The following WDR49 variants were observed in gnomAD, a reference collection of about 807,000 sequenced individuals.
WDR49 encodes WD repeat domain 49, also known as cilia- and flagella-associated protein 337.
A neutral mutation model predicts 119.5 loss-of-function variants in WDR49; 107 were observed. The observed-to-expected ratio is 0.90, with a 90% CI of 0.77 to 1.05. The LOEUF (loss-of-function observed/expected upper bound fraction) is 1.05, where lower values mean the gene tolerates loss of function less well. Among genes scored for constraint, WDR49 ranks in the 50% least tolerant of loss-of-function variants. The probability of loss-of-function intolerance (pLI) is 0.00; values close to 1 mark genes in which losing one functional copy is unlikely to be tolerated. For synonymous variants in WDR49, 425 were observed against 418.8 expected (o/e 1.01, Z -0.18); for missense variants, 1,240 against 1,220.5 (o/e 1.02, Z -0.24).
intron 8 of WDR49, among the ~76,000 whole-genome samples, chr3:167,565,221 T>C (rs1560288459): frequency 1.3e-5 from 2 of 152,082 alleles, no homozygotes; most frequent in African/African-American, 4.8e-5. Context: ...TAATTGGTAA[T>C]TTGCTCTTTC....
chr3:167,551,878 G>T (rs1712594856), intron 10 of WDR49, among the ~76,000 whole-genome samples: 1 of 151,762 alleles, frequency 6.6e-6, no homozygotes, highest in Non-Finnish European at 1.5e-5. Context: ...CCCTATTAAA[G>T]AAAATGTAAG....
At chr3:167,482,803 C>A (rs1387855473) in intron 18 of WDR49, among the ~76,000 whole-genome samples, 1 of 151,478 alleles carries the variant, frequency 6.6e-6, no homozygotes, top group Non-Finnish European at 1.5e-5. Flanking sequence ...TTAAGGCTGA[C>A]AAAAATAGAA....
intron 2 of WDR49, among the ~76,000 whole-genome samples, chr3:167,638,998 G>T (rs1717750417): frequency 1.3e-5 from 2 of 151,574 alleles, no homozygotes; most frequent in African/African-American, 2.4e-5. Context: ...TCACCCCTGA[G>T]AAATATAATT....
intron 16 of WDR49, among the ~76,000 whole-genome samples, chr3:167,512,516 A>G (rs1752018726): frequency 6.6e-6 from 1 of 152,224 alleles, no homozygotes. Flanking sequence ...AAATCCACAC[A>G]AAAACACTGA....
At chr3:167,550,174 C>T (rs1355997148) in intron 10 of WDR49, among the ~76,000 whole-genome samples, 1 of 152,040 alleles carries the variant, frequency 6.6e-6, no homozygotes, top group Non-Finnish European at 1.5e-5. Flanking sequence ...CTTGGCAATG[C>T]AGGCTCTTTT....
intron 5 of WDR49, among the ~76,000 whole-genome samples, chr3:167,615,498 T>C (rs1350121539): frequency 8.5e-5 from 13 of 152,050 alleles, no homozygotes. Flanking sequence ...AACCATAATT[T>C]CTTTTGATAT....
chr3:167,509,370 G>A (rs375501415), intron 16 of WDR49, among the ~76,000 whole-genome samples: 1 of 152,214 alleles, frequency 6.6e-6, no homozygotes, highest in East Asian at 1.9e-4. Context: ...CAAAAAGGCT[G>A]GGATGTGTTT....
chr3:167,496,799 T>C (rs570870582), intron 18 of WDR49, among the ~76,000 whole-genome samples: 2 of 152,294 alleles, frequency 1.3e-5, no homozygotes, highest in South Asian at 2.1e-4. Context: ...AAAGACTCTA[T>C]GATATCACAG....
At chr3:167,589,849 A>G (rs1715015379) in intron 7 of WDR49, among the ~76,000 whole-genome samples, 1 of 152,052 alleles carries the variant, frequency 6.6e-6, no homozygotes, top group African/African-American at 2.4e-5. Context: ...ACAAGATGTT[A>G]TTATCTGCAA....
At chr3:167,597,146 G>T (rs1268693399) in intron 7 of WDR49, among the ~76,000 whole-genome samples, 2 of 152,186 alleles carry the variant, frequency 1.3e-5, no homozygotes, top group Non-Finnish European at 2.9e-5. Context: ...CCTGGCCCAG[G>T]GTCCTGCTGC....
chr3:167,486,316 C>A (rs1750915188), intron 18 of WDR49, among the ~76,000 whole-genome samples: 1 of 152,002 alleles, frequency 6.6e-6, no homozygotes, highest in African/African-American at 2.4e-5. Context: ...AGTGCATAGC[C>A]CACAGTTCAC....
intron 9 of WDR49, among the ~76,000 whole-genome samples, chr3:167,555,440 C>G (rs570137640): frequency 2.0e-5 from 3 of 152,050 alleles, no homozygotes; most frequent in Non-Finnish European, 4.4e-5. Context: ...CCCTGAGTTC[C>G]GTAAGCCACT....
At chr3:167,577,341 G>A (rs1455631149) in intron 7 of WDR49, among the ~76,000 whole-genome samples, 2 of 151,938 alleles carry the variant, frequency 1.3e-5, no homozygotes, top group Admixed American at 6.6e-5. Flanking sequence ...TCTCCAAAAG[G>A]GGGTATCAGG....
chr3:167,595,794 A>G lies in WDR49; in HGVS notation c.1275+6333T>C, dbSNP rs1225453301. Among the ~76,000 whole-genome samples, 17 of 151,980 alleles carry G rather than the reference A, an allele frequency of 1.1e-4. No individual in the cohort carries two copies. In the South Asian group the frequency reaches 3.1e-3, roughly 28 times the overall value. Reference sequence around the variant, plus strand: ...GAAGAAAACCTAGGCATTACCATTCAGGACATAGGCATGGGCAAGGACTTC... The same window carrying G: ...GAAGAAAACCTAGGCATTACCATTCGGGACATAGGCATGGGCAAGGACTTC... On this transcript the variant is annotated intron_variant, in intron 7 of 18. Coordinates refer to ENST00000682715, the MANE Select transcript of WDR49 (RefSeq NM_001366157.1).
intron 16 of WDR49, among the ~76,000 whole-genome samples, chr3:167,506,056 C>A (rs1360075918): frequency 6.6e-6 from 1 of 152,112 alleles, no homozygotes; most frequent in East Asian, 1.9e-4. Context: ...AGTTATGTTT[C>A]CAAAAATTGT....
chr3:167,544,435 C>T (rs78432864), intron 10 of WDR49, among the ~76,000 whole-genome samples: 2 of 152,046 alleles, frequency 1.3e-5, no homozygotes, highest in East Asian at 3.9e-4. Flanking sequence ...CTATAGTTAC[C>T]AAAACAGGAT....
chr3:167,529,105 G>A lies in WDR49; in HGVS notation c.2353C>T (p.Arg785Ter), dbSNP rs764436533. Residue 785 changes from arginine (R) to a stop codon, truncating the protein, a stop_gained, in exon 14 of 19, where the codon CGA becomes TGA. Transcript: ENST00000682715. LOFTEE classifies it high-confidence loss of function. ...SIIMSTDKMN[R>*]YLTTGDLDGW... ...TCAAGATCTCCTGTGGTAAGGTATCGATTCATCTTATCAGTAGACATAATA... is the reference window on the plus strand; with the variant it reads ...TCAAGATCTCCTGTGGTAAGGTATCAATTCATCTTATCAGTAGACATAATA... The A allele has an allele frequency of 2.4e-5, 38 of 1,606,848 alleles. No homozygotes were observed. Among genetic ancestry groups the A allele is most frequent in the Admixed American group, 6.9e-5 (4 of 58,036 alleles).
rs372561544 is a variant in WDR49, at chr3:167,532,970, A to G, written c.1962T>C (p.Tyr654=). ...TGTTCCATAGAACAATTTCTCCATCATAACTCCCTACACAAGACAGGATGG... is the reference window on the plus strand; with the variant it reads ...TGTTCCATAGAACAATTTCTCCATCGTAACTCCCTACACAAGACAGGATGG... ...LPPQTLVTGS[Y]DGEIVLWNNS... The change falls in exon 12 of 19, where the codon TAT becomes TAC. Residue 654 remains tyrosine (Y), a synonymous_variant. Coordinates refer to ENST00000682715, the MANE Select transcript of WDR49 (RefSeq NM_001366157.1). 6.2e-7 allele frequency: 1 copy of G among 1,600,940 alleles called. No individual in the cohort carries two copies. The highest frequency in any genetic ancestry group is 1.3e-5 in the African/African-American group (1 of 74,770).
At chr3:167,495,317 GAGATTCAAGTGGC>G (rs60547613) in intron 18 of WDR49, among the ~76,000 whole-genome samples, 26,944 of 151,728 alleles carry the variant, frequency 0.18, 3,566 homozygotes, top group African/African-American at 0.38. Flanking sequence ...CTGTATAAAA[GAGATTCAAGTGGC>G]ATTCTAAAAC....
Sources: gnomAD v4.1 joint callset for allele counts (sites outside exome capture counted in the v4.1 genomes callset) on GRCh38, gnomAD v4.1.1 for gene constraint, MANE v1.5 for transcripts, NCBI Gene and HGNC (gene_info 2026-07-23, HGNC 2026-07-21) for gene names.